ATP7B: variants seen among roughly 807,000 people sequenced by gnomAD.
ATP7B encodes copper-transporting ATPase 2.
In ATP7B, 113 loss-of-function variants were observed where a neutral mutation model predicts 118.9. The observed-to-expected ratio is 0.95, with a 90% CI of 0.82 to 1.11. The LOEUF is 1.11. Among genes scored for constraint, ATP7B ranks in the 50% most tolerant of loss-of-function variants. The pLI, the probability that ATP7B is intolerant of heterozygous loss-of-function variation, is 0.00. For missense variants in ATP7B, 1,867 were observed against 1,871.4 expected, an observed-to-expected ratio of 1.00 and a Z score of 0.04; for synonymous variants, 777 against 727.4, an observed-to-expected ratio of 1.07 and a Z score of -1.10.
Position 52,004,075 on chromosome 13 carries a change from T to C in ATP7B, c.51+7212A>G, listed in dbSNP as rs538095313. Among the ~76,000 whole-genome samples the C allele has an allele frequency of 2.6e-5, 4 of 152,038 alleles. No individual in the cohort carries two copies. In the East Asian group the frequency reaches 5.8e-4, roughly 22 times the overall value. On this transcript the variant is annotated intron_variant, in intron 1 of 20. Transcript: ENST00000242839. ...GAGTTCAAGACCAGCCTGGCCAACATGGTGAAACCCCGTCTCTACTAAAAA... is the reference window on the plus strand; with the variant it reads ...GAGTTCAAGACCAGCCTGGCCAACACGGTGAAACCCCGTCTCTACTAAAAA...
intron 14 of ATP7B, 32 bp downstream of exon 14, chr13:51,944,077 G>T: frequency 6.2e-7 from 1 of 1,613,292 alleles, no homozygotes; most frequent in Non-Finnish European, 8.5e-7. Context: ...AGCATTGGCG[G>T]GGAGGGCAGG....
chr13:51,970,718 G>A lies in ATP7B; in HGVS notation c.1317C>T (p.His439=). The change falls in exon 3 of 21, where the codon CAC becomes CAT. Residue 439 remains histidine, a synonymous_variant. Coordinates refer to ENST00000242839, the MANE Select transcript of ATP7B (RefSeq NM_000053.4). ...ESCSTNPLGN[H]SAGNSMVQTT... ...TTTGCACCATGGAATTCCCAGCACT[G>A]TGGTTTCCAAGAGGGTTAGTAGAAC... 1 of 1,614,068 alleles carries A rather than the reference G, an allele frequency of 6.2e-7. No homozygotes were observed. The highest frequency in any genetic ancestry group is 1.1e-5 in the South Asian group (1 of 91,078).
At chr13:51,989,864 TC>T (rs1952828129) in intron 1 of ATP7B, among the ~76,000 whole-genome samples, 2 of 152,148 alleles carry the variant, frequency 1.3e-5, no homozygotes. Context: ...TTCAAGCCTT[TC>T]CCAACAAAGA....
At chr13:51,997,699 G>C (rs943403178) in intron 1 of ATP7B, among the ~76,000 whole-genome samples, 1 of 152,234 alleles carries the variant, frequency 6.6e-6, no homozygotes. Flanking sequence ...AGACCCAGGA[G>C]AGGAGGGATT....
chr13:52,000,948 A>T (rs138405770), intron 1 of ATP7B, among the ~76,000 whole-genome samples: 1 of 152,334 alleles, frequency 6.6e-6, no homozygotes, highest in East Asian at 1.9e-4. Flanking sequence ...TGAGCCCAGG[A>T]GGTGGAGGTT....
rs61032925 is a variant in ATP7B, at chr13:51,951,864, A to T, written c.2448-1465T>A. Among the ~76,000 whole-genome samples, 604 of 152,326 alleles carry T rather than the reference A, an allele frequency of 4.0e-3. 3 individuals are homozygous for T. Among genetic ancestry groups the T allele is most frequent in the African/African-American group, 0.014 (586 of 41,574 alleles). On this transcript the variant is annotated intron_variant, in intron 9 of 20. Coordinates refer to ENST00000242839, the MANE Select transcript of ATP7B (RefSeq NM_000053.4). ...AAGAAAAAAAATCAAAGAAACAGAC[A>T]AGGGGGAAATACTGGTGAGAGACTG...
chr13:51,954,802 C>T (rs1958232075), intron 9 of ATP7B, among the ~76,000 whole-genome samples: 1 of 152,190 alleles, frequency 6.6e-6, no homozygotes. Flanking sequence ...ACACTCCAAC[C>T]AGCAGGTAGT....
At chr13:51,987,663 T>C (rs1952721348) in intron 1 of ATP7B, among the ~76,000 whole-genome samples, 1 of 152,168 alleles carries the variant, frequency 6.6e-6, no homozygotes, top group Non-Finnish European at 1.5e-5. Flanking sequence ...CTTCAAACTA[T>C]ACTACAAGGC....
intron 4 of ATP7B, among the ~76,000 whole-genome samples, chr13:51,966,282 C>T (rs1485701400): frequency 3.3e-5 from 5 of 152,184 alleles, no homozygotes; most frequent in African/African-American, 7.2e-5. Context: ...CAACTAGTGA[C>T]GGGTAGAGCT....
chr13:51,949,745 T>C lies in ATP7B; in HGVS notation c.2782A>G (p.Ile928Val). ...AACGTCAAAGTTGACATGATGATGA[T>C]AAATGGGACAAAATATCCACTAAAC... ...DRFSGYFVPF[I>V]IIMSTLTLVV... Residue 928 changes from isoleucine to valine, a missense_variant, in exon 12 of 21, where the codon ATC (isoleucine) becomes GTC (valine). Ile to Val is a conservative substitution (Grantham distance 29). Coordinates refer to ENST00000242839, the MANE Select transcript of ATP7B (RefSeq NM_000053.4). 6.2e-7 allele frequency: 1 copy of C among 1,614,096 alleles called. No homozygotes were observed. Among genetic ancestry groups the C allele is most frequent in the Non-Finnish European group, 8.5e-7 (1 of 1,180,024 alleles).
intron 3 of ATP7B, 72 bp from the exon 4 acceptor site, chr13:51,968,679 C>G (rs532319945): frequency 1.9e-6 from 3 of 1,550,588 alleles, no homozygotes; most frequent in African/African-American, 2.7e-5. Context: ...TCAATATAAC[C>G]GAACAAAGAA....
At chr13:51,951,568 C>T (rs1455927889) in intron 9 of ATP7B, among the ~76,000 whole-genome samples, 3 of 152,080 alleles carry the variant, frequency 2.0e-5, no homozygotes, top group Non-Finnish European at 2.9e-5. Flanking sequence ...ATCATATAAG[C>T]GCCCCTAGGA....
chr13:51,955,085 T>C (rs1417971515), intron 9 of ATP7B, among the ~76,000 whole-genome samples: 1 of 152,042 alleles, frequency 6.6e-6, no homozygotes, highest in Admixed American at 6.5e-5. Flanking sequence ...AGCACAAGTG[T>C]CCCCAGCAAA....
chr13:51,958,558 A>G lies in ATP7B; in HGVS notation c.2122-14T>C, dbSNP rs1958511012. On this transcript the variant is annotated splice_polypyrimidine_tract_variant and intron_variant, in intron 7 of 20. Coordinates refer to ENST00000242839, the MANE Select transcript of ATP7B (RefSeq NM_000053.4). ...CCCACCGAGGAGCTGAAAGACAAGG[A>G]CAGTGAAGGCTGCCAGCAAGTAGGG... The G allele has an allele frequency of 6.2e-7, 1 of 1,610,924 alleles. No individual in the cohort carries two copies. The highest frequency in any genetic ancestry group is 1.7e-5 in the Admixed American group (1 of 60,002).
intron 5 of ATP7B, among the ~76,000 whole-genome samples, chr13:51,963,563 C>G (rs1237484465): frequency 6.6e-6 from 1 of 151,874 alleles, no homozygotes; most frequent in Non-Finnish European, 1.5e-5. Context: ...TGATGAAACC[C>G]TGTCTCTACC....
rs1298098944 is a variant in ATP7B, at chr13:51,970,661, T to C, written c.1374A>G (p.Glu458=). Residue 458 remains glutamate, a synonymous_variant, in exon 3 of 21, where the codon GAA becomes GAG. Transcript: ENST00000242839. ...GGAGCCTCCCAGTGTGGGGAGCCAC[T>C]TCCTGCACAGATGTAGGTGTACCAT... ...TTDGTPTSVQ[E]VAPHTGRLPA... The C allele has an allele frequency of 1.2e-6, 2 of 1,614,202 alleles. No homozygotes were observed. Among genetic ancestry groups the C allele is most frequent in the Non-Finnish European group, 1.7e-6 (2 of 1,180,014 alleles).
chr13:51,968,591 C>T lies in ATP7B; in HGVS notation c.1560G>A (p.Leu520=). The change falls in exon 4 of 21, where the codon TTG becomes TTA. Residue 520 remains leucine, a synonymous_variant. Coordinates refer to ENST00000242839, the MANE Select transcript of ATP7B (RefSeq NM_000053.4). ...LQKEAGVLSV[L]VALMAGKAEI... is the part of the protein sequence containing the mutation. ...CTGCCTTTCCTGCCATCAAGGCAAC[C>T]AACACGGAGAGAACACCTGGAACCA... 1 of 1,614,100 alleles carries T rather than the reference C, an allele frequency of 6.2e-7. No individual in the cohort carries two copies. The highest frequency in any genetic ancestry group is 8.5e-7 in the Non-Finnish European group (1 of 1,180,024).
At chr13:51,952,713 T>C (rs1407766502) in intron 9 of ATP7B, among the ~76,000 whole-genome samples, 1 of 152,248 alleles carries the variant, frequency 6.6e-6, no homozygotes, top group Non-Finnish European at 1.5e-5. Flanking sequence ...ATCATTATTT[T>C]CCTTTGTAAA....
rs1369490048 is a variant in ATP7B, at chr13:51,934,032, A to G, written c.*724T>C. 1 of 153,498 alleles carries G rather than the reference A, an allele frequency of 6.5e-6. No homozygotes were observed. The highest frequency in any genetic ancestry group is 1.4e-5 in the Non-Finnish European group (1 of 69,020). The allele number at this position is 153,498 out of a possible 1,614,324, so 9.5% of individuals were successfully genotyped here. A position where few individuals can be genotyped will look rare whatever the true frequency, so the allele number is the denominator to read the frequency against. On this transcript the variant is annotated 3_prime_UTR_variant, in exon 21 of 21. Coordinates refer to ENST00000242839, the MANE Select transcript of ATP7B (RefSeq NM_000053.4). ...CTTTAAGCAAAAAAGAACTCTCCTC[A>G]ACTTGAAGAAGAGTGTGGCAAGCTC...
Sources: gnomAD v4.1 joint callset for allele counts (sites outside exome capture counted in the v4.1 genomes callset) on GRCh38, gnomAD v4.1.1 for gene constraint, MANE v1.5 for transcripts, NCBI Gene and HGNC (gene_info 2026-07-23, HGNC 2026-07-21) for gene names.